XYLT1: variants seen among roughly 807,000 people sequenced by gnomAD.
XYLT1 encodes the protein beta-D-xylosyltransferase 1.
Under a neutral mutation model 91.3 loss-of-function variants are expected in XYLT1, and 36 were observed. That is an observed-to-expected ratio of 0.39 (90% CI 0.30 to 0.52). The LOEUF (loss-of-function observed/expected upper bound fraction) is 0.52. XYLT1 is among the 20% of genes least tolerant of loss of function. The probability of loss-of-function intolerance (pLI) is 0.68; values close to 1 mark genes in which losing one functional copy is unlikely to be tolerated. For synonymous variants in XYLT1, 588 were observed against 532.0 expected (o/e 1.11, Z -1.45); for missense variants, 1,242 against 1,284.5 (o/e 0.97, Z 0.51).
chr16:17,131,145 A>G (rs1052153131), intron 9 of XYLT1, among the ~76,000 whole-genome samples: 1 of 152,196 alleles, frequency 6.6e-6, no homozygotes, highest in Admixed American at 6.5e-5. Context: ...CTACTCAATC[A>G]GTACTTATTG....
chr16:17,310,258 T>C (rs1006632848), intron 2 of XYLT1, among the ~76,000 whole-genome samples: 2 of 152,212 alleles, frequency 1.3e-5, no homozygotes, highest in Admixed American at 1.3e-4. Flanking sequence ...CCTTTGCACA[T>C]GCCACTTCCT....
At chr16:17,459,669 C>T (rs1382066891) in intron 1 of XYLT1, among the ~76,000 whole-genome samples, 2 of 152,190 alleles carry the variant, frequency 1.3e-5, no homozygotes, top group African/African-American at 2.4e-5. Flanking sequence ...GTTTCCTTCG[C>T]TGCATTTGTA....
At position 17,315,086 on chromosome 16, in the gene XYLT1, G is replaced by C. The variant is rs2034607654; in HGVS notation, c.402+42926C>G. 2.0e-5 allele frequency among the ~76,000 whole-genome samples: 3 copies of C among 152,340 alleles called. No homozygotes were observed. In the South Asian group the frequency reaches 6.2e-4, roughly 32 times the overall value. On this transcript the variant is annotated intron_variant, in intron 2 of 11. Coordinates refer to ENST00000261381, the MANE Select transcript of XYLT1 (RefSeq NM_022166.4). Reference sequence around the variant, plus strand: ...GAGCAGCTCTGGGAGCTATGCTGGGGATGGCCCACCTGGGGAAAAGGCAGA... The same window carrying C: ...GAGCAGCTCTGGGAGCTATGCTGGGCATGGCCCACCTGGGGAAAAGGCAGA...
intron 11 of XYLT1, among the ~76,000 whole-genome samples, chr16:17,110,847 T>G (rs1191698367): frequency 6.6e-6 from 1 of 152,102 alleles, no homozygotes; most frequent in African/African-American, 2.4e-5. Context: ...CAAGGTCTGA[T>G]TTTTCACTCA....
At position 17,458,712 on chromosome 16, in the gene XYLT1, G is replaced by C. The variant is rs145945141; in HGVS notation, c.363+11722C>G. 1.1e-4 allele frequency among the ~76,000 whole-genome samples: 17 copies of C among 152,104 alleles called. No individual in the cohort carries two copies. The East Asian group carries it at 3.3e-3, about 29-fold the overall frequency. ...TCATTAACCAACCAAGCTGCAATCA[G>C]GATTTGAAATCCAGTTAGAGTTTGC... is the stretch of plus-strand genomic sequence containing the variant. On this transcript the variant is annotated intron_variant, in intron 1 of 11. Coordinates refer to ENST00000261381, the MANE Select transcript of XYLT1 (RefSeq NM_022166.4).
At chr16:17,220,833 T>C (rs1287535838) in intron 3 of XYLT1, among the ~76,000 whole-genome samples, 1 of 152,214 alleles carries the variant, frequency 6.6e-6, no homozygotes, top group Non-Finnish European at 1.5e-5. Flanking sequence ...ATCATTTGCT[T>C]GTCTCTCCAA....
chr16:17,362,833 T>C (rs2035402287), intron 1 of XYLT1, among the ~76,000 whole-genome samples: 1 of 152,188 alleles, frequency 6.6e-6, no homozygotes, highest in African/African-American at 2.4e-5. Context: ...GTAGAGATAA[T>C]GACACTGGAA....
chr16:17,277,592 G>A (rs2033996893), intron 2 of XYLT1, among the ~76,000 whole-genome samples: 1 of 152,110 alleles, frequency 6.6e-6, no homozygotes, highest in African/African-American at 2.4e-5. Flanking sequence ...GTTTCACCAT[G>A]TAGGCCAGGC....
At chr16:17,180,059 T>A (rs924408805) in intron 5 of XYLT1, among the ~76,000 whole-genome samples, 4 of 152,330 alleles carry the variant, frequency 2.6e-5, no homozygotes, top group Admixed American at 2.6e-4. Context: ...AGGTCCCATC[T>A]CACCAGATGG....
In XYLT1 at chr16:17,125,798, C is replaced by T. The variant is rs555228614; in HGVS notation, c.2223+1868G>A. 8.5e-4 allele frequency among the ~76,000 whole-genome samples: 130 copies of T among 152,266 alleles called. 1 individual carries two copies. Among genetic ancestry groups the T allele is most frequent in the Non-Finnish European group, 4.1e-4 (28 of 68,020 alleles). On this transcript the variant is annotated intron_variant, in intron 10 of 11. Transcript: ENST00000261381. Reference sequence around the variant, plus strand: ...CTGGCTGTCTCATTGGAATGCAATTCCATGACCACAGGGGCCTGGTTTGTT... The same window carrying T: ...CTGGCTGTCTCATTGGAATGCAATTTCATGACCACAGGGGCCTGGTTTGTT...
rs147012219 is a variant in XYLT1 at position 17,220,616 on chromosome 16, G to A, written c.914-19962C>T. ...GCCTCCCGAGTAGCTGGGATTACAG[G>A]TGTGTGCCACCACACTCGGCTACTT... On this transcript the variant is annotated intron_variant, in intron 3 of 11. Coordinates refer to ENST00000261381, the MANE Select transcript of XYLT1 (RefSeq NM_022166.4). 4.9e-3 allele frequency among the ~76,000 whole-genome samples: 749 copies of A among 152,298 alleles called. 5 individuals are homozygous for A. The highest frequency in any genetic ancestry group is 0.016 in the African/African-American group (646 of 41,562).
chr16:17,269,509 G>T (rs1185990081), intron 2 of XYLT1, among the ~76,000 whole-genome samples: 2 of 152,148 alleles, frequency 1.3e-5, no homozygotes, highest in African/African-American at 4.8e-5. Flanking sequence ...ACAGCTCAAG[G>T]CAACATCCCT....
intron 3 of XYLT1, among the ~76,000 whole-genome samples, chr16:17,254,854 A>C (rs2033604791): frequency 6.6e-6 from 1 of 152,214 alleles, no homozygotes; most frequent in African/African-American, 2.4e-5. Context: ...TTTGACTGCA[A>C]GGAGGTTGGC....
At chr16:17,348,132 G>T (rs1052443455) in intron 2 of XYLT1, among the ~76,000 whole-genome samples, 1 of 152,144 alleles carries the variant, frequency 6.6e-6, no homozygotes, top group East Asian at 1.9e-4. Context: ...AAAGGAGAGG[G>T]GTGGAGAGTG....
intron 1 of XYLT1, among the ~76,000 whole-genome samples, chr16:17,405,874 G>A (rs2036026955): frequency 6.6e-6 from 1 of 152,154 alleles, no homozygotes; most frequent in African/African-American, 2.4e-5. Flanking sequence ...ATACAGAGGG[G>A]GGATGAAAAC....
At position 17,259,293 on chromosome 16, in the gene XYLT1, C is replaced by G; in HGVS notation, c.608G>C (p.Gly203Ala). 1 of 1,614,118 alleles carries G rather than the reference C, an allele frequency of 6.2e-7. No homozygotes were observed. The highest frequency in any genetic ancestry group is 8.5e-7 in the Non-Finnish European group (1 of 1,180,036). The change falls in exon 3 of 12, where the codon GGA becomes GCA. Residue 203 changes from glycine to alanine, a missense_variant. Coordinates refer to ENST00000261381, the MANE Select transcript of XYLT1 (RefSeq NM_022166.4). ...TTTCCCAGGGAATGTATGTCCTTTT[C>G]CTTTCTCCTGCTGTTCCAGCTTCCT... ...LKRKLEQQEK[G>A]KGHTFPGKGP...
intron 3 of XYLT1, among the ~76,000 whole-genome samples, chr16:17,247,040 T>C (rs1222429864): frequency 2.6e-5 from 4 of 151,656 alleles, no homozygotes; most frequent in African/African-American, 7.2e-5. Context: ...TTCCTAGCCC[T>C]GGACTGCCAA....
chr16:17,316,309 G>A (rs760905927), intron 2 of XYLT1, among the ~76,000 whole-genome samples: 5 of 152,182 alleles, frequency 3.3e-5, no homozygotes, highest in Non-Finnish European at 5.9e-5. Context: ...CAGTGGAGAT[G>A]GGGAGAAAAA....
At chr16:17,259,662 C>T (rs549996868) in intron 2 of XYLT1, among the ~76,000 whole-genome samples, 164 bp from the exon 3 acceptor site, 15 of 152,156 alleles carry the variant, frequency 9.9e-5, no homozygotes, top group Non-Finnish European at 2.1e-4. Flanking sequence ...TCTCTCTGGA[C>T]CTCAGTTTCC....
Sources: gnomAD v4.1 joint callset for allele counts (sites outside exome capture counted in the v4.1 genomes callset) on GRCh38, gnomAD v4.1.1 for gene constraint, MANE v1.5 for transcripts, NCBI Gene and HGNC (gene_info 2026-07-23, HGNC 2026-07-21) for gene names.